The following ELMO1 variants were observed in gnomAD, a reference collection of about 807,000 sequenced individuals.
ELMO1 encodes the protein engulfment and cell motility 1.
ELMO1 carries 26 observed loss-of-function variants against 98.9 expected under a neutral mutation model. The observed-to-expected ratio is 0.26, with a 90% CI of 0.19 to 0.36. The LOEUF (loss-of-function observed/expected upper bound fraction) is 0.36. ELMO1 is among the 10% of genes least tolerant of loss of function. The pLI is 1.00. For synonymous variants in ELMO1, 346 were observed against 346.0 expected (o/e 1.00, Z 0.00); for missense variants, 627 against 935.2 (o/e 0.67, Z 4.30).
intron 15 of ELMO1, among the ~76,000 whole-genome samples, chr7:37,083,518 A>G (rs1257322113): frequency 6.6e-6 from 1 of 152,214 alleles, no homozygotes; most frequent in Non-Finnish European, 1.5e-5. Context: ...TAAAGCTCAA[A>G]ATAGCTTCTT....
chr7:37,039,115 G>C (rs1344955880), intron 15 of ELMO1, among the ~76,000 whole-genome samples: 1 of 152,050 alleles, frequency 6.6e-6, no homozygotes, highest in Non-Finnish European at 1.5e-5. Context: ...TAGAAAATGA[G>C]TCACTGCTCC....
At chr7:37,040,492 G>A (rs1345434394) in intron 15 of ELMO1, among the ~76,000 whole-genome samples, 1 of 152,040 alleles carries the variant, frequency 6.6e-6, no homozygotes, top group Non-Finnish European at 1.5e-5. Flanking sequence ...GTAAACATAG[G>A]AGCACCCAGC....
At chr7:36,868,130 A>C (rs1227299574) in intron 20 of ELMO1, among the ~76,000 whole-genome samples, 1 of 152,144 alleles carries the variant, frequency 6.6e-6, no homozygotes, top group Non-Finnish European at 1.5e-5. Context: ...AATAATAATG[A>C]ATTTGTTTAT....
intron 6 of ELMO1, among the ~76,000 whole-genome samples, chr7:37,250,149 T>C (rs1795262318): frequency 1.3e-5 from 2 of 152,164 alleles, no homozygotes; most frequent in South Asian, 4.1e-4. Flanking sequence ...TGTCCTACAA[T>C]AGGGAAATAG....
chr7:37,150,757 T>C (rs1472644603), intron 13 of ELMO1, among the ~76,000 whole-genome samples: 1 of 152,190 alleles, frequency 6.6e-6, no homozygotes, highest in Non-Finnish European at 1.5e-5. Flanking sequence ...GTAGTAATAA[T>C]GATTTGTAGT....
chr7:37,169,101 G>A (rs1272252734), intron 13 of ELMO1, among the ~76,000 whole-genome samples: 4 of 152,186 alleles, frequency 2.6e-5, no homozygotes, highest in Admixed American at 6.5e-5. Context: ...AGACTGCTGT[G>A]CTAGCAATCA....
chr7:37,331,333 C>CTTTTTTTGTTTTTTTTTTTT, intron 2 of ELMO1, among the ~76,000 whole-genome samples: 1 of 28,716 alleles, frequency 3.5e-5, no homozygotes, highest in African/African-American at 1.1e-4. Flanking sequence ...CCACGCCTGG[C>CTTTTTTTGTTTTTTTTTTTT]TTTTTTTTTT....
At chr7:37,408,538 G>A (rs1803868961) in intron 1 of ELMO1, among the ~76,000 whole-genome samples, 1 of 152,168 alleles carries the variant, frequency 6.6e-6, no homozygotes, top group Admixed American at 6.5e-5. Context: ...AAGGGATAAA[G>A]AAACGGTAGG....
At chr7:37,153,440 G>A (rs145194476) in intron 13 of ELMO1, among the ~76,000 whole-genome samples, 55 of 152,260 alleles carry the variant, frequency 3.6e-4, no homozygotes, top group African/African-American at 7.7e-4. Flanking sequence ...CCAAAATACC[G>A]TGCTTTTCCC....
intron 8 of ELMO1, among the ~76,000 whole-genome samples, chr7:37,225,736 A>T (rs959851757): frequency 1.3e-5 from 2 of 152,242 alleles, no homozygotes; most frequent in Non-Finnish European, 2.9e-5. Flanking sequence ...CTAAATCCCC[A>T]AACATAATAA....
At chr7:37,049,074 G>A (rs984517851) in intron 15 of ELMO1, among the ~76,000 whole-genome samples, 1 of 152,040 alleles carries the variant, frequency 6.6e-6, no homozygotes, top group African/African-American at 2.4e-5. Context: ...TTTTTAACTT[G>A]TTTTCTCTGT....
At chr7:37,362,320 A>G (rs1180096808) in intron 1 of ELMO1, among the ~76,000 whole-genome samples, 1 of 152,162 alleles carries the variant, frequency 6.6e-6, no homozygotes, top group Non-Finnish European at 1.5e-5. Flanking sequence ...CAAGACATTG[A>G]ACACAAAACA....
chr7:36,914,863 A>G (rs566382279), intron 16 of ELMO1, among the ~76,000 whole-genome samples: 2 of 152,014 alleles, frequency 1.3e-5, no homozygotes, highest in African/African-American at 4.8e-5. Flanking sequence ...GATCAGACAC[A>G]TGAGTAAACT....
At chr7:37,421,883 C>T (rs1198190956) in intron 1 of ELMO1, among the ~76,000 whole-genome samples, 2 of 152,148 alleles carry the variant, frequency 1.3e-5, no homozygotes, top group Non-Finnish European at 2.9e-5. Flanking sequence ...TGCAGTGGGA[C>T]TGAACCACAA....
Position 36,878,132 on chromosome 7 carries a change from AC to A in ELMO1, c.1715-16del. ...CCAAAACTTGTCTGAGAGAAAAAACACAAGTTTACAAGGTAAGTGATTGTGG... is the reference window on the plus strand; with the variant it reads ...CCAAAACTTGTCTGAGAGAAAAAACAAAGTTTACAAGGTAAGTGATTGTGG... On this transcript the variant is annotated splice_polypyrimidine_tract_variant and intron_variant, in intron 18 of 21. Transcript: ENST00000310758. 1 of 1,586,572 alleles carries A rather than the reference AC, an allele frequency of 6.3e-7. No individual in the cohort carries two copies. The highest frequency in any genetic ancestry group is 8.7e-7 in the Non-Finnish European group (1 of 1,155,326).
chr7:37,179,013 T>A (rs369289473), intron 13 of ELMO1, among the ~76,000 whole-genome samples: 3 of 152,308 alleles, frequency 2.0e-5, no homozygotes, highest in African/African-American at 7.2e-5. Context: ...TCACACACTG[T>A]TAATATTTGG....
chr7:37,000,394 C>G (rs1218803158), intron 16 of ELMO1, among the ~76,000 whole-genome samples: 1 of 152,156 alleles, frequency 6.6e-6, no homozygotes, highest in Non-Finnish European at 1.5e-5. Context: ...CCAAGCCACG[C>G]AAACAAATAT....
At chr7:36,900,820 G>T (rs78931917) in intron 16 of ELMO1, among the ~76,000 whole-genome samples, 2,515 of 152,258 alleles carry the variant, frequency 0.017, 70 homozygotes, top group African/African-American at 0.057. Flanking sequence ...TGACTCATGT[G>T]GGGGAGACTT....
At chr7:36,978,232 T>G (rs552769119) in intron 16 of ELMO1, among the ~76,000 whole-genome samples, 1 of 151,992 alleles carries the variant, frequency 6.6e-6, no homozygotes, top group Non-Finnish European at 1.5e-5. Flanking sequence ...TGTTGGCTCA[T>G]GGAGCCCAGA....
Sources: allele counts gnomAD v4.1 joint callset (sites outside exome capture counted in the v4.1 genomes callset), GRCh38; gene constraint gnomAD v4.1.1; transcripts MANE v1.5; gene names NCBI Gene and HGNC (gene_info 2026-07-23, HGNC 2026-07-21).